GPC3: variants seen among roughly 807,000 people sequenced by gnomAD.
GPC3 encodes the protein glypican-3.
In GPC3, 3 loss-of-function variants were observed where a neutral mutation model predicts 34.4. That is an observed-to-expected ratio of 0.09 (90% CI 0.04 to 0.23). The LOEUF is 0.23. GPC3 is among the 10% of genes least tolerant of loss of function. The pLI is 1.00. For missense variants in GPC3, 351 were observed against 445.6 expected (o/e 0.79, Z 1.91); for synonymous variants, 177 against 174.0 (o/e 1.02, Z -0.13).
intron 7 of GPC3, among the ~76,000 whole-genome samples, chrX:133,568,912 A>C (rs1861989267): frequency 8.9e-6 from 1 of 112,056 alleles, no homozygotes; most frequent in African/African-American, 3.2e-5. Context: ...TACACCTGTA[A>C]TCCTAGCACT....
rs2069414867 is a variant in GPC3, at chrX:133,549,644, A to ATC, written c.1574-13353_1574-13352dup. Among the ~76,000 whole-genome samples, 4 of 38,253 alleles carry ATC rather than the reference A, an allele frequency of 1.0e-4. No individual in the cohort carries two copies. In the East Asian group the frequency reaches 4.9e-3, roughly 47 times the overall value. 33.2% of individuals were successfully genotyped at this position (38,253 alleles called of 115,157 possible). ...CTCTCTCCCTCCCTCCCCCCTCTTT[A>ATC]TCTCTCTCTCTCTTCTTCTCCCCTT... On this transcript the variant is annotated intron_variant, in intron 7 of 7. Coordinates refer to ENST00000370818, the MANE Select transcript of GPC3 (RefSeq NM_004484.4).
At chrX:133,648,529 G>A (rs1026925668) in intron 6 of GPC3, among the ~76,000 whole-genome samples, 2 of 111,516 alleles carry the variant, frequency 1.8e-5, no homozygotes, top group Non-Finnish European at 3.8e-5. Context: ...CATCCTTCAC[G>A]CTGCTGGCAG....
chrX:133,773,956 A>G (rs771062078), intron 2 of GPC3, among the ~76,000 whole-genome samples: 1 of 112,104 alleles, frequency 8.9e-6, no homozygotes, highest in East Asian at 2.8e-4. Context: ...CATAGTTACT[A>G]GTTGGCTGAT....
chrX:133,668,159 G>A lies in GPC3; in HGVS notation c.1293-6309C>T, dbSNP rs1048902615. Among the ~76,000 whole-genome samples the A allele has an allele frequency of 1.6e-4, 18 of 110,230 alleles. 1 individual carries two copies. Among genetic ancestry groups the A allele is most frequent in the Non-Finnish European group, 9.5e-5 (5 of 52,783 alleles). Reference sequence around the variant, plus strand: ...ACTTCATGATCCGCCCGCCCACCTCGGCCTCCCAAAATGCTGGGATTATAG... The same window carrying A: ...ACTTCATGATCCGCCCGCCCACCTCAGCCTCCCAAAATGCTGGGATTATAG... On this transcript the variant is annotated intron_variant, in intron 5 of 7. Coordinates refer to ENST00000370818, the MANE Select transcript of GPC3 (RefSeq NM_004484.4).
chrX:133,663,367 C>T (rs1347039523), intron 5 of GPC3, among the ~76,000 whole-genome samples: 1 of 111,381 alleles, frequency 9.0e-6, no homozygotes, highest in African/African-American at 3.3e-5. Context: ...TCAGGTGATC[C>T]GTCCACCTCG....
At chrX:133,985,039 G>A (rs935522522) in intron 1 of GPC3, among the ~76,000 whole-genome samples, 5 of 111,728 alleles carry the variant, frequency 4.5e-5, no homozygotes, top group African/African-American at 1.6e-4. Flanking sequence ...GGTTCCTCCC[G>A]CTCACACCTT....
At chrX:133,889,865 T>C (rs1336332837) in intron 2 of GPC3, among the ~76,000 whole-genome samples, 18 of 89,538 alleles carry the variant, frequency 2.0e-4, no homozygotes, top group Non-Finnish European at 3.0e-4. Context: ...AGACAGAGTC[T>C]CACTCTGTTG....
chrX:133,890,026 C>T (rs1242890691), intron 2 of GPC3, among the ~76,000 whole-genome samples: 1 of 110,101 alleles, frequency 9.1e-6, no homozygotes, highest in Non-Finnish European at 1.9e-5. Flanking sequence ...GCCTTGGCCT[C>T]CCAAAGTGCT....
At chrX:133,911,748 C>T (rs1366439207) in intron 2 of GPC3, among the ~76,000 whole-genome samples, 7 of 111,526 alleles carry the variant, frequency 6.3e-5, no homozygotes, top group Admixed American at 9.6e-5. Flanking sequence ...GGTAGATTTC[C>T]GCTTTAAAAA....
chrX:133,613,665 C>A (rs947855545), intron 6 of GPC3, among the ~76,000 whole-genome samples: 2 of 111,929 alleles, frequency 1.8e-5, no homozygotes, highest in Non-Finnish European at 3.8e-5. Context: ...TTCCAAGCAT[C>A]CATGTTACTT....
intron 2 of GPC3, among the ~76,000 whole-genome samples, chrX:133,919,278 G>A: frequency 8.9e-6 from 1 of 111,995 alleles, no homozygotes. Context: ...CCAGTAGGTA[G>A]TGATTCCCTA....
At chrX:133,616,156 GA>G (rs1225544951) in intron 6 of GPC3, among the ~76,000 whole-genome samples, 3 of 111,653 alleles carry the variant, frequency 2.7e-5, no homozygotes, top group Admixed American at 9.5e-5. Flanking sequence ...AAGTTATTCA[GA>G]AAAAACTATC....
intron 7 of GPC3, among the ~76,000 whole-genome samples, chrX:133,560,692 T>G (rs1424990564): frequency 9.3e-6 from 1 of 107,271 alleles, no homozygotes; most frequent in Non-Finnish European, 1.9e-5. Flanking sequence ...TGAGCTGAGA[T>G]CATGCCACTG....
intron 2 of GPC3, among the ~76,000 whole-genome samples, chrX:133,851,394 C>T (rs1009906728): frequency 8.9e-6 from 1 of 111,813 alleles, no homozygotes; most frequent in Non-Finnish European, 1.9e-5. Flanking sequence ...ACTATACCAC[C>T]ATCTTACCCT....
At chrX:133,728,262 CA>C (rs1196863091) in intron 3 of GPC3, among the ~76,000 whole-genome samples, 2 of 111,530 alleles carry the variant, frequency 1.8e-5, no homozygotes, top group Non-Finnish European at 3.8e-5. Context: ...CCTCTGGAGA[CA>C]AAACACCCTG....
intron 2 of GPC3, among the ~76,000 whole-genome samples, chrX:133,866,916 A>T (rs1236834403): frequency 2.8e-5 from 3 of 109,026 alleles, no homozygotes; most frequent in African/African-American, 1.1e-4. Flanking sequence ...GATCATTTAC[A>T]GCCAAGTGCA....
At chrX:133,795,522 C>T (rs754009256) in intron 2 of GPC3, among the ~76,000 whole-genome samples, 3 of 110,417 alleles carry the variant, frequency 2.7e-5, no homozygotes, top group South Asian at 3.9e-4. Flanking sequence ...GGCTTAGGTC[C>T]GATAAGATAG....
At chrX:133,866,841 C>T (rs761658438) in intron 2 of GPC3, among the ~76,000 whole-genome samples, 17 of 110,912 alleles carry the variant, frequency 1.5e-4, no homozygotes, top group Non-Finnish European at 2.5e-4. Flanking sequence ...TGGGACCAAC[C>T]GTACAGAGAA....
intron 3 of GPC3, among the ~76,000 whole-genome samples, chrX:133,720,805 G>A (rs951759323): frequency 8.1e-5 from 9 of 110,630 alleles, no homozygotes; most frequent in Non-Finnish European, 1.1e-4. Context: ...ACCAAATAGC[G>A]TATGTTCTCA....
Sources: allele counts gnomAD v4.1 joint callset (sites outside exome capture counted in the v4.1 genomes callset), GRCh38; gene constraint gnomAD v4.1.1; transcripts MANE v1.5; gene names NCBI Gene and HGNC (gene_info 2026-07-23, HGNC 2026-07-21).